PPP1R12C: variants seen among roughly 807,000 people sequenced by gnomAD.
The protein encoded by PPP1R12C is protein phosphatase 1 regulatory subunit 12C, also known as leukocyte receptor cluster (LRC) encoded novel gene 3.
A neutral mutation model predicts 95.6 loss-of-function variants in PPP1R12C; 48 were observed. That is an observed-to-expected ratio of 0.50 (90% CI 0.40 to 0.64). The LOEUF is 0.64. PPP1R12C is among the 30% of genes least tolerant of loss of function. The pLI, the probability that PPP1R12C is intolerant of heterozygous loss-of-function variation, is 0.00. For synonymous variants in PPP1R12C, 480 were observed against 460.8 expected (o/e 1.04, Z -0.53); for missense variants, 1,057 against 1,083.3 (o/e 0.98, Z 0.34).
rs527939685 is a variant in PPP1R12C at position 55,099,632 on chromosome 19, G to A, written c.732-537C>T. Among the ~76,000 whole-genome samples, 5 of 152,140 alleles carry A rather than the reference G, an allele frequency of 3.3e-5. No homozygotes were observed. In the East Asian group the frequency reaches 9.7e-4, roughly 30 times the overall value. The stretch of plus-strand genomic sequence containing the variant: ...GGCAAGGGTTAGCGGCATCGGCTGG[G>A]TGGAGGCCAGGGAGGCTGCTCCACA... On this transcript the variant is annotated intron_variant, in intron 4 of 21. Coordinates refer to ENST00000263433, the MANE Select transcript of PPP1R12C (RefSeq NM_017607.4).
chr19:55,117,169 G>T, intron 1 of PPP1R12C, 54 bp downstream of exon 1: 1 of 1,197,996 alleles, frequency 8.3e-7, no homozygotes, highest in South Asian at 4.1e-5. Context: ...TGCCCCAGGT[G>T]GCGCAGCAGA....
chr19:55,113,662 C>A, intron 1 of PPP1R12C: 1 of 1,182,022 alleles, frequency 8.5e-7, no homozygotes, highest in Non-Finnish European at 1.1e-6. Context: ...CCCCCCAAGT[C>A]CCTCACCTCT....
At chr19:55,096,379 G>A (rs528688527) in intron 6 of PPP1R12C, 44 bp from the exon 7 acceptor site, 5 of 1,588,574 alleles carry the variant, frequency 3.1e-6, no homozygotes, top group East Asian at 4.5e-5. Context: ...TGGAGCACAC[G>A]TGCCCCACAG....
rs1193026627 is a variant in PPP1R12C, at chr19:55,099,555, C to T, written c.732-460G>A. ...TGACTCCCAACCAGGGCAATGCTGT[C>T]CCCCAGGGGAGACCCGGCAGGTCTG... On this transcript the variant is annotated intron_variant, in intron 4 of 21. Coordinates refer to ENST00000263433, the MANE Select transcript of PPP1R12C (RefSeq NM_017607.4). 7.2e-5 allele frequency among the ~76,000 whole-genome samples: 11 copies of T among 152,316 alleles called. No homozygotes were observed. In the East Asian group the frequency reaches 1.5e-3, roughly 21 times the overall value.
chr19:55,092,857 C>T lies in PPP1R12C; in HGVS notation c.1837G>A (p.Asp613Asn), dbSNP rs1001885599. The part of the protein sequence containing the change: ...DSPAQRAEAP[D>N]GQGPGPQAAR... Reference sequence around the variant, plus strand: ...GCCTGCGGTCCCGGACCCTGCCCGTCGGGCGCCTCTGCTGGGGGAGGGGCA... The same window carrying T: ...GCCTGCGGTCCCGGACCCTGCCCGTTGGGCGCCTCTGCTGGGGGAGGGGCA... The change falls in exon 16 of 22, where the codon GAC (aspartate) becomes AAC (asparagine). Residue 613 changes from aspartate to asparagine, a missense_variant. Asp to Asn is a conservative substitution (Grantham distance 23, BLOSUM62 1). Around this residue, in one of 5 missense-constraint regions of PPP1R12C, gnomAD observed 347 missense variants for 307.9 expected, o/e 1.13. Coordinates refer to ENST00000263433, the MANE Select transcript of PPP1R12C (RefSeq NM_017607.4). 6.3e-6 allele frequency: 10 copies of T among 1,582,928 alleles called. No homozygotes were observed. In the African/African-American group the frequency reaches 6.7e-5, roughly 11 times the overall value.
chr19:55,117,582 G>C lies in PPP1R12C; in HGVS notation c.-39C>G, dbSNP rs1431554157. 8.1e-6 allele frequency: 8 copies of C among 983,686 alleles called. No individual in the cohort carries two copies. Among genetic ancestry groups the C allele is most frequent in the Non-Finnish European group, 8.5e-6 (7 of 827,914 alleles). The allele number at this position is 983,686 out of a possible 1,614,324, so 60.9% of individuals were successfully genotyped here. On this transcript the variant is annotated 5_prime_UTR_variant, in exon 1 of 22. Coordinates refer to ENST00000263433, the MANE Select transcript of PPP1R12C (RefSeq NM_017607.4). ...CGCCCAGCGAGCGAGCGAGCGCCGA[G>C]CCCCAACCGCCGCCACCACCCGCCC...
chr19:55,095,494 C>T lies in PPP1R12C; in HGVS notation c.1337G>A (p.Gly446Glu). 6.4e-7 allele frequency: 1 copy of T among 1,570,206 alleles called. No homozygotes were observed. The highest frequency in any genetic ancestry group is 8.6e-7 in the Non-Finnish European group (1 of 1,157,766). ...RRTAEGAPGAGLQRSASSSWL... is the reference protein window; with the variant it reads ...RRTAEGAPGAELQRSASSSWL... The stretch of plus-strand genomic sequence containing the variant: ...GGAGGAGGAAGCCGAGCGCTGCAGC[C>T]CAGCCCCAGGGGCTCCCTCCGCTGT... The change falls in exon 10 of 22, where the codon GGG becomes GAG. Residue 446 changes from glycine (G) to glutamate (E), a missense_variant. Transcript: ENST00000263433.
chr19:55,116,557 G>A (rs956610284), intron 1 of PPP1R12C, among the ~76,000 whole-genome samples: 1 of 152,202 alleles, frequency 6.6e-6, no homozygotes, highest in East Asian at 1.9e-4. Context: ...AGAGAATGCA[G>A]GTCAGAGAAA....
chr19:55,102,351 T>C (rs1309070137), intron 4 of PPP1R12C, among the ~76,000 whole-genome samples: 1 of 152,094 alleles, frequency 6.6e-6, no homozygotes, highest in Non-Finnish European at 1.5e-5. Context: ...CCATCTCTGC[T>C]AGAAATACGA....
Position 55,117,513 on chromosome 19 carries a change from G to T in PPP1R12C, c.31C>A (p.Pro11Thr), listed in dbSNP as rs1304759224. 3 of 1,026,654 alleles carry T rather than the reference G, an allele frequency of 2.9e-6. No homozygotes were observed. Among genetic ancestry groups the T allele is most frequent in the Non-Finnish European group, 3.5e-6 (3 of 857,242 alleles). 63.6% of individuals were successfully genotyped at this position (1,026,654 alleles called of 1,614,324 possible). A position where few individuals can be genotyped will look rare whatever the true frequency, so the allele number is the denominator to read the frequency against. ...CGGGCAGCCGCCGCCGCCGCCCCCG[G>T]GCCAGCCGCCGGGCCATCCTCTCCG... is the stretch of plus-strand genomic sequence containing the variant. MSGEDGPAAG[P>T]GAAAAAARER... The change falls in exon 1 of 22, where the codon CCG becomes ACG. Residue 11 changes from proline to threonine, a missense_variant. Pro to Thr is a conservative substitution (Grantham distance 38). This residue lies in a region of PPP1R12C where 70 missense variants were observed against 47.8 expected (regional missense o/e 1.46). Transcript: ENST00000263433.
At chr19:55,091,835 C>T (rs368723510) in intron 20 of PPP1R12C, 24 bp downstream of exon 20, 17 of 1,613,312 alleles carry the variant, frequency 1.1e-5, no homozygotes, top group East Asian at 2.2e-5. Flanking sequence ...GCCTCTGGCC[C>T]CCATCCCCAC....
chr19:55,107,728 G>A (rs1333637594), intron 3 of PPP1R12C, among the ~76,000 whole-genome samples: 1 of 150,870 alleles, frequency 6.6e-6, no homozygotes, highest in African/African-American at 2.4e-5. Context: ...AGCATTAGGA[G>A]ATATACCTAA....
intron 21 of PPP1R12C, 27 bp from the exon 22 acceptor site, chr19:55,091,585 C>A (rs1357602975): frequency 1.2e-6 from 2 of 1,611,862 alleles, no homozygotes; most frequent in Non-Finnish European, 1.7e-6. Context: ...GTCAGCTGGG[C>A]AGCCCTGGCG....
intron 3 of PPP1R12C, among the ~76,000 whole-genome samples, chr19:55,104,241 TTATATATATAA>T (rs1568815220): frequency 7.0e-6 from 1 of 142,888 alleles, no homozygotes; most frequent in Admixed American, 7.0e-5. Flanking sequence ...TAAAAAATAT[TTATATATATAA>T]TATATATATA....
At chr19:55,102,342 C>T (rs956713695) in intron 4 of PPP1R12C, among the ~76,000 whole-genome samples, 5 of 152,172 alleles carry the variant, frequency 3.3e-5, no homozygotes, top group African/African-American at 1.2e-4. Context: ...GGAGAAACCC[C>T]ATCTCTGCTA....
intron 6 of PPP1R12C, 97 bp downstream of exon 6, chr19:55,098,687 G>C: frequency 7.0e-7 from 1 of 1,438,722 alleles, no homozygotes; most frequent in Non-Finnish European, 9.7e-7. Flanking sequence ...GGGGTGGTGG[G>C]TGTCAGAAGT....
At chr19:55,098,745 T>A in intron 6 of PPP1R12C, 39 bp downstream of exon 6, 1 of 1,609,666 alleles carries the variant, frequency 6.2e-7, no homozygotes, top group Non-Finnish European at 8.5e-7. Flanking sequence ...TGAGGGGACA[T>A]GGGGAGTCTG....
chr19:55,108,385 T>C (rs763030988), intron 3 of PPP1R12C, among the ~76,000 whole-genome samples: 1 of 151,932 alleles, frequency 6.6e-6, no homozygotes, highest in African/African-American at 2.4e-5. Context: ...TCCCAGCACT[T>C]TAGGAGGCCA....
At chr19:55,115,123 G>A (rs1342787745) in intron 1 of PPP1R12C, 2 of 152,232 alleles carry the variant, frequency 1.3e-5, no homozygotes, top group Non-Finnish European at 2.9e-5. Flanking sequence ...GATAGCACTG[G>A]GGACTCTTTA....
Sources: gnomAD v4.1 joint callset for allele counts (sites outside exome capture counted in the v4.1 genomes callset) on GRCh38, gnomAD v4.1.1 for gene constraint, gnomAD v4.1.1 regional missense constraint, MANE v1.5 for transcripts, NCBI Gene and HGNC (gene_info 2026-07-23, HGNC 2026-07-21) for gene names.